Variants in CDH13 observed in about 807,000 individuals in gnomAD.
The protein encoded by CDH13 is cadherin 13, also known as cadherin-13.
In CDH13, 24 loss-of-function variants were observed where a neutral mutation model predicts 63.8. The observed-to-expected ratio is 0.38, with a 90% confidence interval of 0.27 to 0.53. CDH13 has a LOEUF of 0.53. CDH13 is among the 20% of genes least tolerant of loss of function. The pLI is 0.85. For synonymous variants in CDH13, 503 were observed against 355.3 expected (o/e 1.42, Z -4.67); for missense variants, 1,049 against 903.1 (o/e 1.16, Z -2.07).
chr16:82,673,757 G>C (rs1913569954), intron 1 of CDH13, among the ~76,000 whole-genome samples: 1 of 152,194 alleles, frequency 6.6e-6, no homozygotes, highest in Non-Finnish European at 1.5e-5. Context: ...AGTGGGCAGA[G>C]AATGATTGCT....
chr16:82,780,982 T>A (rs2035726932), intron 1 of CDH13, among the ~76,000 whole-genome samples: 2 of 152,250 alleles, frequency 1.3e-5, no homozygotes, highest in Non-Finnish European at 2.9e-5. Flanking sequence ...ACATTTGGGG[T>A]AGCTGTCCTC....
chr16:82,892,064 C>T (rs2041099189), intron 2 of CDH13, among the ~76,000 whole-genome samples: 1 of 152,022 alleles, frequency 6.6e-6, no homozygotes, highest in Admixed American at 6.5e-5. Context: ...TGAAGGGAGG[C>T]AGCTCAACTG....
chr16:83,517,699 A>C (rs2151614082), intron 7 of CDH13, among the ~76,000 whole-genome samples: 1 of 152,328 alleles, frequency 6.6e-6, no homozygotes, highest in South Asian at 2.1e-4. Flanking sequence ...GACAAGCTTA[A>C]AAATGGATCT....
chr16:82,840,442 G>C (rs2038957703), intron 1 of CDH13, among the ~76,000 whole-genome samples: 1 of 151,642 alleles, frequency 6.6e-6, no homozygotes, highest in Non-Finnish European at 1.5e-5. Flanking sequence ...CAGCACTTTG[G>C]GAGGCCCAGG....
intron 5 of CDH13, among the ~76,000 whole-genome samples, chr16:83,333,570 T>C (rs2090522742): frequency 6.6e-6 from 1 of 152,188 alleles, no homozygotes; most frequent in Non-Finnish European, 1.5e-5. Flanking sequence ...AAGGTCACCA[T>C]ACTCCCGCTA....
At chr16:82,894,341 C>T (rs920405552) in intron 2 of CDH13, among the ~76,000 whole-genome samples, 1 of 152,182 alleles carries the variant, frequency 6.6e-6, no homozygotes, top group Non-Finnish European at 1.5e-5. Context: ...CTGGGCCAGA[C>T]AGTGCCTTAA....
At chr16:83,465,579 G>C (rs1245837132) in intron 6 of CDH13, among the ~76,000 whole-genome samples, 3 of 152,168 alleles carry the variant, frequency 2.0e-5, no homozygotes, top group African/African-American at 7.2e-5. Context: ...TAATTGATAA[G>C]AGCAGCTCAG....
chr16:82,799,484 C>T (rs1256632998), intron 1 of CDH13, among the ~76,000 whole-genome samples: 1 of 152,172 alleles, frequency 6.6e-6, no homozygotes, highest in Non-Finnish European at 1.5e-5. Context: ...AGCAGCTCAT[C>T]GTTAAGGAGA....
chr16:83,530,120 G>A lies in CDH13; in HGVS notation c.960+43465G>A, dbSNP rs143193622. Among the ~76,000 whole-genome samples the A allele has an allele frequency of 1.4e-3, 208 of 152,272 alleles. 1 individual carries two copies. Among genetic ancestry groups the A allele is most frequent in the Middle Eastern group, 6.8e-3 (2 of 292 alleles). On this transcript the variant is annotated intron_variant, in intron 7 of 13. Coordinates refer to ENST00000567109, the MANE Select transcript of CDH13 (RefSeq NM_001257.5). The stretch of plus-strand genomic sequence containing the variant: ...TGGCTCTGCGTACCTGTTCCTGCTG[G>A]CCCTTGAAGAGGTTCATATATTTGA...
intron 2 of CDH13, among the ~76,000 whole-genome samples, chr16:82,902,343 A>C (rs541516429): frequency 6.6e-6 from 1 of 152,042 alleles, no homozygotes; most frequent in African/African-American, 2.4e-5. Flanking sequence ...ACAGAAATCA[A>C]TTTTGACTTG....
At chr16:83,013,700 A>C (rs75827051) in intron 2 of CDH13, among the ~76,000 whole-genome samples, 4,653 of 152,352 alleles carry the variant, frequency 0.031, 101 homozygotes, top group Non-Finnish European at 0.045. Context: ...ACAATCTGAC[A>C]GATCACAAAA....
intron 2 of CDH13, among the ~76,000 whole-genome samples, chr16:82,908,254 G>A (rs1448266693): frequency 6.6e-6 from 1 of 152,148 alleles, no homozygotes; most frequent in East Asian, 1.9e-4. Context: ...GCTAGAACCT[G>A]AGGGAGGAGG....
chr16:83,157,264 A>G (rs2037245454), intron 4 of CDH13, among the ~76,000 whole-genome samples: 1 of 149,546 alleles, frequency 6.7e-6, no homozygotes, highest in African/African-American at 2.5e-5. Context: ...TACAGGTAAC[A>G]GACCCTTGCT....
chr16:82,976,981 A>G (rs776675993), intron 2 of CDH13, among the ~76,000 whole-genome samples: 2 of 152,208 alleles, frequency 1.3e-5, no homozygotes, highest in Non-Finnish European at 2.9e-5. Context: ...TGTCCTGTCT[A>G]TTATACACAG....
intron 1 of CDH13, among the ~76,000 whole-genome samples, chr16:82,686,095 C>G (rs1476789034): frequency 6.6e-6 from 1 of 152,146 alleles, no homozygotes; most frequent in African/African-American, 2.4e-5. Flanking sequence ...ACTTCCACAC[C>G]CTTCTCAGAA....
chr16:83,030,533 C>T (rs892435207), intron 2 of CDH13, among the ~76,000 whole-genome samples: 3 of 150,810 alleles, frequency 2.0e-5, no homozygotes, highest in African/African-American at 4.9e-5. Flanking sequence ...ATCCCAGCTA[C>T]CCAGGAGGCT....
chr16:83,159,718 C>G (rs557365051), intron 4 of CDH13, among the ~76,000 whole-genome samples: 2 of 152,172 alleles, frequency 1.3e-5, no homozygotes, highest in Admixed American at 1.3e-4. Flanking sequence ...AACTCATTTA[C>G]AGCATAGCCG....
chr16:83,209,345 C>A lies in CDH13; in HGVS notation c.484-8000C>A, dbSNP rs548870363. On this transcript the variant is annotated intron_variant, in intron 4 of 13. Transcript: ENST00000567109. ...ATAGACAAGGAAGGAGCCTCCAGGT[C>A]GGCCACTCCCAGATTTCCTAGCTTG... 3.9e-5 allele frequency among the ~76,000 whole-genome samples: 6 copies of A among 152,292 alleles called. No individual in the cohort carries two copies. The East Asian group carries it at 1.2e-3, about 29-fold the overall frequency.
intron 8 of CDH13, among the ~76,000 whole-genome samples, chr16:83,664,913 T>C (rs1458993767): frequency 6.6e-5 from 10 of 152,228 alleles, no homozygotes; most frequent in Admixed American, 6.5e-4. Context: ...CCAGAGGGAA[T>C]ACTAGCCCTC....
Sources: gnomAD v4.1 joint callset for allele counts (sites outside exome capture counted in the v4.1 genomes callset) on GRCh38, gnomAD v4.1.1 for gene constraint, MANE v1.5 for transcripts, NCBI Gene and HGNC (gene_info 2026-07-23, HGNC 2026-07-21) for gene names.